Variants in DENND1B observed in about 807,000 individuals in gnomAD.
DENND1B encodes the protein DENN domain-containing protein 1B.
In DENND1B, 59 loss-of-function variants were observed where a neutral mutation model predicts 90.1. The observed-to-expected ratio is 0.65, with a 90% CI of 0.53 to 0.81. DENND1B has a LOEUF of 0.81. Among genes scored for constraint, DENND1B ranks in the 40% least tolerant of loss-of-function variants. The pLI is 0.00. For synonymous variants in DENND1B, 337 were observed against 324.6 expected, an observed-to-expected ratio of 1.04 and a Z score of -0.41; for missense variants, 862 against 912.6, an observed-to-expected ratio of 0.94 and a Z score of 0.71.
chr1:197,582,909 A>G (rs1571964935), intron 15 of DENND1B, among the ~76,000 whole-genome samples: 1 of 152,296 alleles, frequency 6.6e-6, no homozygotes, highest in East Asian at 1.9e-4. Context: ...GTGAATGTAT[A>G]TTCTTCCTCA....
intron 2 of DENND1B, among the ~76,000 whole-genome samples, chr1:197,762,794 T>G (rs1158902615): frequency 6.6e-6 from 1 of 152,182 alleles, no homozygotes; most frequent in African/African-American, 2.4e-5. Flanking sequence ...ATAAGTGAGA[T>G]CATGCAACTT....
intron 2 of DENND1B, among the ~76,000 whole-genome samples, chr1:197,759,609 G>C (rs895114959): frequency 6.6e-6 from 1 of 151,284 alleles, no homozygotes; most frequent in African/African-American, 2.4e-5. Flanking sequence ...TGGGCATGGT[G>C]GTGGGCGCCT....
intron 15 of DENND1B, among the ~76,000 whole-genome samples, chr1:197,571,013 C>T (rs756786468): frequency 6.6e-6 from 1 of 152,042 alleles, no homozygotes; most frequent in Non-Finnish European, 1.5e-5. Flanking sequence ...TGAACATTAT[C>T]TCTGATTTCT....
chr1:197,730,493 T>C (rs922284634), intron 2 of DENND1B, among the ~76,000 whole-genome samples: 1 of 152,132 alleles, frequency 6.6e-6, no homozygotes, highest in Non-Finnish European at 1.5e-5. Context: ...GGAAAAATAA[T>C]TAAACATTTC....
intron 3 of DENND1B, among the ~76,000 whole-genome samples, chr1:197,694,220 A>T (rs1467621836): frequency 6.6e-6 from 1 of 151,370 alleles, no homozygotes; most frequent in Non-Finnish European, 1.5e-5. Flanking sequence ...TGCTAAAAAA[A>T]AATTAGAAAA....
At chr1:197,646,444 T>C (rs1680740689) in intron 8 of DENND1B, among the ~76,000 whole-genome samples, 2 of 151,986 alleles carry the variant, frequency 1.3e-5, no homozygotes, top group South Asian at 4.1e-4. Flanking sequence ...ATATATGCCT[T>C]CATGTTTCCC....
chr1:197,526,545 T>C (rs1669144422), intron 20 of DENND1B, among the ~76,000 whole-genome samples: 1 of 152,154 alleles, frequency 6.6e-6, no homozygotes. Context: ...ATTTACTAAA[T>C]GGAGAAATTG....
At chr1:197,768,036 A>G (rs562558880) in intron 2 of DENND1B, among the ~76,000 whole-genome samples, 7 of 152,320 alleles carry the variant, frequency 4.6e-5, no homozygotes, top group South Asian at 2.1e-4. Context: ...TTCCTATATC[A>G]TAAGATTTTT....
At position 197,510,664 on chromosome 1, in the gene DENND1B, G is replaced by C; in HGVS notation, c.2124C>G (p.Ser708Arg). Residue 708 changes from serine (S) to arginine (R), a missense_variant, in exon 23 of 23, where the codon AGC (serine) becomes AGG (arginine). Ser to Arg is a moderately radical substitution (Grantham distance 110, BLOSUM62 -1). Transcript: ENST00000620048. Reference sequence around the variant, plus strand: ...GTATAAGCAGATCATCTGAAATCTGGCTTAGTGTTTCCCTCTTTTCTGTTT... The same window carrying C: ...GTATAAGCAGATCATCTGAAATCTGCCTTAGTGTTTCCCTCTTTTCTGTTT... ...KGKTEKRETL[S>R]QISDDLLIPG... is the part of the protein sequence containing the mutation. The C allele has an allele frequency of 6.2e-7, 1 of 1,612,784 alleles. No individual in the cohort carries two copies. Among genetic ancestry groups the C allele is most frequent in the Non-Finnish European group, 8.5e-7 (1 of 1,179,218 alleles).
Position 197,725,778 on chromosome 1 carries a change from T to C in DENND1B, c.83-10704A>G, listed in dbSNP as rs74134864. ...TGAGAGTGATAAAAAGGAACCTGCT[T>C]ACACTCTGGGAAAGGGAGCCACAGC... is the stretch of plus-strand genomic sequence containing the variant. On this transcript the variant is annotated intron_variant, in intron 2 of 22. Transcript: ENST00000620048. 5.4e-3 allele frequency among the ~76,000 whole-genome samples: 825 copies of C among 152,084 alleles called. 3 individuals carry two copies. Among genetic ancestry groups the C allele is most frequent in the African/African-American group, 0.019 (794 of 41,472 alleles).
intron 15 of DENND1B, among the ~76,000 whole-genome samples, chr1:197,573,801 G>A (rs546022410): frequency 6.6e-6 from 1 of 152,040 alleles, no homozygotes; most frequent in South Asian, 2.1e-4. Context: ...TTTAATATAC[G>A]CAAATCAATA....
chr1:197,663,014 C>T (rs958943244), intron 5 of DENND1B, among the ~76,000 whole-genome samples: 6 of 152,062 alleles, frequency 3.9e-5, no homozygotes, highest in African/African-American at 1.4e-4. Flanking sequence ...CTGTGTTCAT[C>T]ACTGTGGATA....
Position 197,643,586 on chromosome 1 carries a change from T to C in DENND1B, c.562-765A>G, listed in dbSNP as rs1172801100. On this transcript the variant is annotated intron_variant, in intron 9 of 22. Transcript: ENST00000620048. ...TCACTATGCAGGCACAATCATCATC[T>C]GATACGACACAGCATGCACAACGTA... Among the ~76,000 whole-genome samples the C allele has an allele frequency of 4.6e-5, 7 of 152,216 alleles. No individual in the cohort carries two copies. In the East Asian group the frequency reaches 1.3e-3, roughly 29 times the overall value.
At chr1:197,638,073 A>G (rs1679947606) in intron 10 of DENND1B, among the ~76,000 whole-genome samples, 1 of 152,212 alleles carries the variant, frequency 6.6e-6, no homozygotes, top group Admixed American at 6.5e-5. Context: ...TAAAATCTAT[A>G]TTTAATAGCT....
At chr1:197,770,755 T>TATATATAA (rs1656424063) in intron 2 of DENND1B, among the ~76,000 whole-genome samples, 1 of 141,742 alleles carries the variant, frequency 7.1e-6, no homozygotes, top group African/African-American at 2.6e-5. Context: ...TATCTATAAA[T>TATATATAA]ATATATAAAT....
At chr1:197,544,068 G>C (rs999915664) in intron 18 of DENND1B, among the ~76,000 whole-genome samples, 2 of 151,992 alleles carry the variant, frequency 1.3e-5, no homozygotes, top group Non-Finnish European at 2.9e-5. Context: ...TTCTCTCCTG[G>C]GAAGTTACTA....
At chr1:197,700,023 T>A (rs943030776) in intron 3 of DENND1B, among the ~76,000 whole-genome samples, 16 of 152,238 alleles carry the variant, frequency 1.1e-4, no homozygotes, top group African/African-American at 3.1e-4. Flanking sequence ...ATCATGAAGA[T>A]GGCCATACTG....
At chr1:197,770,547 T>C (rs535897228) in intron 2 of DENND1B, among the ~76,000 whole-genome samples, 1 of 150,880 alleles carries the variant, frequency 6.6e-6, no homozygotes, top group East Asian at 1.9e-4. Flanking sequence ...TTAATACACA[T>C]TTAAAATTAG....
chr1:197,674,212 A>G, intron 3 of DENND1B, 43 bp from the exon 4 acceptor site: 2 of 1,437,078 alleles, frequency 1.4e-6, no homozygotes, highest in Non-Finnish European at 1.9e-6. Context: ...GTTTTAGAAT[A>G]TTTTTTAAGA....
Sources: allele counts gnomAD v4.1 joint callset (sites outside exome capture counted in the v4.1 genomes callset), GRCh38; gene constraint gnomAD v4.1.1; transcripts MANE v1.5; gene names NCBI Gene and HGNC (gene_info 2026-07-23, HGNC 2026-07-21).